PRKCB: variants seen among roughly 807,000 people sequenced by gnomAD.
PRKCB encodes the protein protein kinase C beta type.
A neutral mutation model predicts 81.5 loss-of-function variants in PRKCB; 13 were observed. The observed-to-expected ratio is 0.16, with a 90% CI of 0.10 to 0.25. The LOEUF (loss-of-function observed/expected upper bound fraction) is 0.25, where lower values mean the gene tolerates loss of function less well. PRKCB is among the 10% of genes least tolerant of loss of function. The pLI is 1.00. For missense variants in PRKCB, 509 were observed against 875.7 expected (o/e 0.58, Z 5.29); for synonymous variants, 335 against 321.4 (o/e 1.04, Z -0.45).
intron 2 of PRKCB, among the ~76,000 whole-genome samples, chr16:23,894,754 CA>C (rs1963349389): frequency 6.6e-6 from 1 of 152,186 alleles, no homozygotes; most frequent in African/African-American, 2.4e-5. Context: ...CCTTTATCAT[CA>C]ATATCTTCCC....
chr16:23,955,042 T>G (rs544924393), intron 2 of PRKCB, among the ~76,000 whole-genome samples: 2 of 152,184 alleles, frequency 1.3e-5, no homozygotes, highest in South Asian at 4.2e-4. Flanking sequence ...GGGAGCTTAA[T>G]GTATTAAAAG....
Position 24,007,800 on chromosome 16 carries a change from G to A in PRKCB, c.288+19210G>A, listed in dbSNP as rs534226312. ...AATTTCTGGAGCCTGCAGGCCTGGGGGCAAATGGAGAAATCAAAAGGCAGA... is the reference window on the plus strand; with the variant it reads ...AATTTCTGGAGCCTGCAGGCCTGGGAGCAAATGGAGAAATCAAAAGGCAGA... On this transcript the variant is annotated intron_variant, in intron 3 of 16. Transcript: ENST00000643927. Among the ~76,000 whole-genome samples, 138 of 152,284 alleles carry A rather than the reference G, an allele frequency of 9.1e-4. 1 individual carries two copies. The highest frequency in any genetic ancestry group is 3.0e-3 in the African/African-American group (124 of 41,562).
At chr16:24,039,111 AG>A (rs1965664935) in intron 5 of PRKCB, among the ~76,000 whole-genome samples, 1 of 152,232 alleles carries the variant, frequency 6.6e-6, no homozygotes, top group African/African-American at 2.4e-5. Context: ...TACAGCAAGA[AG>A]GTGGCCGTCT....
chr16:24,062,912 A>G (rs187846434), intron 5 of PRKCB, among the ~76,000 whole-genome samples: 1 of 152,126 alleles, frequency 6.6e-6, no homozygotes, highest in African/African-American at 2.4e-5. Context: ...AGAGTGCATG[A>G]CATGGGCTCT....
intron 2 of PRKCB, among the ~76,000 whole-genome samples, chr16:23,980,063 T>A (rs531194415): frequency 6.6e-6 from 1 of 152,320 alleles, no homozygotes; most frequent in South Asian, 2.1e-4. Context: ...CCAGCCTGGG[T>A]GACAGAGCAA....
intron 9 of PRKCB, among the ~76,000 whole-genome samples, chr16:24,147,381 C>A (rs192371501): frequency 6.6e-6 from 1 of 151,764 alleles, no homozygotes; most frequent in African/African-American, 2.4e-5. Flanking sequence ...GAAGCAGGGC[C>A]GTGTTTGTCC....
intron 2 of PRKCB, among the ~76,000 whole-genome samples, chr16:23,936,543 G>A (rs1267321748): frequency 6.6e-6 from 1 of 150,608 alleles, no homozygotes; most frequent in Non-Finnish European, 1.5e-5. Flanking sequence ...TTCCTGCGTA[G>A]GTGAGGTCAC....
chr16:24,076,852 CTCTG>C (rs1966183929), intron 5 of PRKCB, among the ~76,000 whole-genome samples: 1 of 152,128 alleles, frequency 6.6e-6, no homozygotes, highest in South Asian at 2.1e-4. Flanking sequence ...TGTGCCGGAA[CTCTG>C]TCTATCTCAT....
At chr16:23,842,443 G>C (rs1033143255) in intron 2 of PRKCB, among the ~76,000 whole-genome samples, 3 of 152,184 alleles carry the variant, frequency 2.0e-5, no homozygotes, top group Admixed American at 6.5e-5. Flanking sequence ...CTTGTTAAAT[G>C]ACTAGGCCTC....
At chr16:23,967,012 A>ATTT (rs3043607) in intron 2 of PRKCB, among the ~76,000 whole-genome samples, 12,497 of 147,218 alleles carry the variant, frequency 0.085, 657 homozygotes, top group South Asian at 0.15. Flanking sequence ...AGTGGTTTCC[A>ATTT]TTTTTTTTTT....
At chr16:24,035,608 G>A in intron 5 of PRKCB, 61 bp downstream of exon 5, 2 of 1,544,956 alleles carry the variant, frequency 1.3e-6, no homozygotes, top group Non-Finnish European at 1.8e-6. Context: ...ATTGAGAAGG[G>A]GAGGGTGGCG....
chr16:24,004,304 G>T (rs140843537), intron 3 of PRKCB, among the ~76,000 whole-genome samples: 2 of 151,788 alleles, frequency 1.3e-5, no homozygotes, highest in Non-Finnish European at 2.9e-5. Flanking sequence ...AAATAAAAGG[G>T]ACAAAAGTGT....
At chr16:24,072,981 T>C (rs567854076) in intron 5 of PRKCB, among the ~76,000 whole-genome samples, 16 of 152,210 alleles carry the variant, frequency 1.1e-4, no homozygotes, top group Non-Finnish European at 2.2e-4. Context: ...TGCTCAGTCA[T>C]CTTGATCAGA....
chr16:23,844,571 A>G (rs1043423963), intron 2 of PRKCB, among the ~76,000 whole-genome samples: 1 of 151,998 alleles, frequency 6.6e-6, no homozygotes, highest in Non-Finnish European at 1.5e-5. Context: ...CAGTGGTGCA[A>G]TCTTTGGCTA....
At chr16:24,187,734 C>G (rs1395894887) in intron 15 of PRKCB, among the ~76,000 whole-genome samples, 2 of 151,974 alleles carry the variant, frequency 1.3e-5, no homozygotes, top group South Asian at 2.1e-4. Flanking sequence ...GCTAGAGTGC[C>G]GTGGAGTGAT....
At chr16:23,989,211 G>A (rs560544423) in intron 3 of PRKCB, among the ~76,000 whole-genome samples, 51 of 152,228 alleles carry the variant, frequency 3.4e-4, no homozygotes, top group African/African-American at 1.1e-3. Context: ...GTGATCCGCC[G>A]CCTCGGCCTC....
intron 2 of PRKCB, chr16:23,893,980 T>C (rs1963333490): frequency 6.6e-6 from 1 of 152,282 alleles, no homozygotes; most frequent in Admixed American, 6.5e-5. Context: ...CAATGACTAT[T>C]TACTTACCTC....
At chr16:24,141,277 G>A (rs889683990) in intron 9 of PRKCB, among the ~76,000 whole-genome samples, 9 of 151,166 alleles carry the variant, frequency 6.0e-5, no homozygotes, top group African/African-American at 4.9e-5. Context: ...TCACTGCAAC[G>A]TCCACCTCCC....
intron 2 of PRKCB, among the ~76,000 whole-genome samples, chr16:23,904,052 C>G (rs1963522256): frequency 6.6e-6 from 1 of 152,180 alleles, no homozygotes; most frequent in Non-Finnish European, 1.5e-5. Context: ...GAACTTAGCA[C>G]TGTTTGCCAT....
Sources: gnomAD v4.1 joint callset for allele counts (sites outside exome capture counted in the v4.1 genomes callset) on GRCh38, gnomAD v4.1.1 for gene constraint, MANE v1.5 for transcripts, NCBI Gene and HGNC (gene_info 2026-07-23, HGNC 2026-07-21) for gene names.